CAPN9: variants seen among roughly 807,000 people sequenced by gnomAD.
CAPN9 encodes the protein calpain-9.
A neutral mutation model predicts 92.8 loss-of-function variants in CAPN9; 81 were observed. The observed-to-expected ratio is 0.87, with a 90% CI of 0.73 to 1.05. The LOEUF (loss-of-function observed/expected upper bound fraction) is 1.05. Ranked by LOEUF, CAPN9 falls within the 50% of genes least tolerant of loss-of-function variation. The pLI is 0.00. For synonymous variants in CAPN9, 304 were observed against 328.0 expected, an observed-to-expected ratio of 0.93 and a Z score of 0.79; for missense variants, 848 against 866.2, an observed-to-expected ratio of 0.98 and a Z score of 0.26.
intron 8 of CAPN9, 77 bp from the exon 9 acceptor site, chr1:230,778,896 T>C (rs1667013816): frequency 7.1e-6 from 9 of 1,261,932 alleles, no homozygotes; most frequent in Non-Finnish European, 1.0e-5. Flanking sequence ...AATAAGTGAA[T>C]GATTTAATGA....
intron 8 of CAPN9, chr1:230,776,837 C>A (rs146358967): frequency 2.0e-5 from 3 of 152,270 alleles, no homozygotes; most frequent in Non-Finnish European, 4.4e-5. Context: ...GAAGTAAATG[C>A]GTCACGGCTC....
intron 1 of CAPN9, among the ~76,000 whole-genome samples, chr1:230,748,241 C>T (rs1281531218): frequency 6.6e-6 from 1 of 152,212 alleles, no homozygotes; most frequent in African/African-American, 2.4e-5. Context: ...TCAGGGTGAA[C>T]AGTGCCCCAC....
At chr1:230,759,217 T>C (rs554416261) in intron 2 of CAPN9, among the ~76,000 whole-genome samples, 3 of 151,964 alleles carry the variant, frequency 2.0e-5, no homozygotes, top group Admixed American at 2.0e-4. Flanking sequence ...GGAAAGGGAG[T>C]TGCTGGAATT....
At chr1:230,751,581 GAAAC>G (rs1558304388) in intron 1 of CAPN9, among the ~76,000 whole-genome samples, 243 of 17,752 alleles carry the variant, frequency 0.014, 4 homozygotes, top group East Asian at 0.05. Flanking sequence ...AAAGAAGAAA[GAAAC>G]AAAGAAAGAA....
At chr1:230,786,353 G>A (rs896387941) in intron 12 of CAPN9, 4 of 171,632 alleles carry the variant, frequency 2.3e-5, no homozygotes, top group Non-Finnish European at 4.7e-5. Context: ...CACTGCAATG[G>A]GAAGGTGCAT....
intron 17 of CAPN9, among the ~76,000 whole-genome samples, chr1:230,793,930 T>C (rs1204803816): frequency 6.6e-6 from 1 of 152,062 alleles, no homozygotes; most frequent in Non-Finnish European, 1.5e-5. Flanking sequence ...CCTGACGTGG[T>C]GTGGGGAGAA....
At chr1:230,772,528 T>C (rs2102875317) in intron 7 of CAPN9, among the ~76,000 whole-genome samples, 1 of 152,230 alleles carries the variant, frequency 6.6e-6, no homozygotes, top group East Asian at 1.9e-4. Context: ...CATGTAACTA[T>C]AGGATTCTCT....
In CAPN9 at chr1:230,772,048, G is replaced by A. The variant is rs370295873; in HGVS notation, c.824G>A (p.Arg275Gln). Residue 275 changes from arginine to glutamine, a missense_variant, in exon 7 of 20, where the codon CGA (arginine) becomes CAA (glutamine). Physicochemically the swap from Arg to Gln is conservative, Grantham distance 43. Coordinates refer to ENST00000271971, the MANE Select transcript of CAPN9 (RefSeq NM_006615.3). ...CGAGGCCAGAGAATCGAGCTCATCC[G>A]AATCCGGAACCCTTGGGGCCAGGTT... ...SFRGQRIELI[R>Q]IRNPWGQVEW... 27 of 1,614,094 alleles carry A rather than the reference G, an allele frequency of 1.7e-5. No homozygotes were observed. Among genetic ancestry groups the A allele is most frequent in the African/African-American group, 2.7e-5 (2 of 74,932 alleles).
chr1:230,800,358 G>A (rs1007486295), intron 19 of CAPN9, among the ~76,000 whole-genome samples: 5 of 152,008 alleles, frequency 3.3e-5, no homozygotes, highest in Admixed American at 1.3e-4. Flanking sequence ...TTACTTTAAG[G>A]TAAATGATAA....
At chr1:230,778,948 A>G (rs779010670) in intron 8 of CAPN9, 25 bp from the exon 9 acceptor site, 5 of 1,605,138 alleles carry the variant, frequency 3.1e-6, no homozygotes, top group South Asian at 1.1e-5. Context: ...CCTCCTGTGC[A>G]TCGTGTCTCT....
At chr1:230,780,072 G>C (rs79410167) in intron 9 of CAPN9, 107 bp from the exon 10 acceptor site, 15,113 of 764,140 alleles carry the variant, frequency 0.02, 204 homozygotes, top group Non-Finnish European at 0.026. Flanking sequence ...GGGCAGATAG[G>C]TGTATGTGCG....
intron 18 of CAPN9, among the ~76,000 whole-genome samples, chr1:230,797,521 G>T (rs946396563): frequency 6.6e-6 from 1 of 152,174 alleles, no homozygotes; most frequent in Non-Finnish European, 1.5e-5. Flanking sequence ...TCCATTTCTT[G>T]TGTCCAGTGA....
chr1:230,747,672 AGAGG>A lies in CAPN9; in HGVS notation c.177_180del (p.Glu59AspfsTer15). ...AGCAATTCCTCCCTGTTCTACAGTGAGAGGCCGCAGATCCCCTTTGTGTGGAAAC... is the reference window on the plus strand; with the variant it reads ...AGCAATTCCTCCCTGTTCTACAGTGACCGCAGATCCCCTTTGTGTGGAAAC... On this transcript the variant is annotated frameshift_variant, in exon 1 of 20. Coordinates refer to ENST00000271971, the MANE Select transcript of CAPN9 (RefSeq NM_006615.3). LOFTEE classifies it high-confidence loss of function. The A allele has an allele frequency of 6.2e-7, 1 of 1,614,188 alleles. No homozygotes were observed. The highest frequency in any genetic ancestry group is 2.2e-5 in the East Asian group (1 of 44,876).
chr1:230,801,309 T>C (rs550729273), intron 19 of CAPN9, among the ~76,000 whole-genome samples: 2 of 152,256 alleles, frequency 1.3e-5, no homozygotes, highest in East Asian at 3.9e-4. Context: ...AGAAAGCACA[T>C]TTTCCCGTCT....
chr1:230,763,063 G>C (rs1665746633), intron 4 of CAPN9, among the ~76,000 whole-genome samples: 1 of 152,198 alleles, frequency 6.6e-6, no homozygotes, highest in African/African-American at 2.4e-5. Context: ...GGCAAGCGGA[G>C]GGGAATTCTG....
chr1:230,789,473 CAAAAAAAAAAAAA>C (rs57738295), intron 13 of CAPN9, among the ~76,000 whole-genome samples: 28 of 66,280 alleles, frequency 4.2e-4, no homozygotes, highest in Middle Eastern at 8.1e-3. Context: ...GACCCTGTAT[CAAAAAAAAAAAAA>C]AAAAAAAAAA....
chr1:230,759,480 G>T lies in CAPN9; in HGVS notation c.284-32G>T, dbSNP rs112341194. The T allele has an allele frequency of 6.9e-5, 103 of 1,496,424 alleles. 1 individual carries two copies. In the African/African-American group the frequency reaches 1.1e-3, roughly 16 times the overall value. 92.7% of individuals were successfully genotyped at this position (1,496,424 alleles called of 1,614,324 possible). A position where few individuals can be genotyped will look rare whatever the true frequency, so the allele number is the denominator to read the frequency against. On this transcript the variant is annotated intron_variant, in intron 2 of 19. Transcript: ENST00000271971. ...TTCCTATTTGCTGTGAAATAGCAATGAAAATTGTGATTTATGGCTTCCATT... is the reference window on the plus strand; with the variant it reads ...TTCCTATTTGCTGTGAAATAGCAATTAAAATTGTGATTTATGGCTTCCATT...
At chr1:230,751,207 C>T (rs898346429) in intron 1 of CAPN9, among the ~76,000 whole-genome samples, 6 of 152,182 alleles carry the variant, frequency 3.9e-5, no homozygotes, top group Admixed American at 1.3e-4. Context: ...GTGAGCTTGC[C>T]GTTCCCTGTG....
At chr1:230,780,990 C>G (rs943955448) in intron 11 of CAPN9, among the ~76,000 whole-genome samples, 1 of 152,024 alleles carries the variant, frequency 6.6e-6, no homozygotes, top group Non-Finnish European at 1.5e-5. Context: ...CTCATCCTCC[C>G]GAGTAGCAAG....
Sources: gnomAD v4.1 joint callset for allele counts (sites outside exome capture counted in the v4.1 genomes callset) on GRCh38, gnomAD v4.1.1 for gene constraint, MANE v1.5 for transcripts, NCBI Gene and HGNC (gene_info 2026-07-23, HGNC 2026-07-21) for gene names.